The following CEP192 variants were observed in gnomAD, a reference collection of about 807,000 sequenced individuals.
CEP192 encodes the protein centrosomal protein of 192 kDa.
In CEP192, 151 loss-of-function variants were observed where a neutral mutation model predicts 271.8. That is an observed-to-expected ratio of 0.56 (90% CI 0.49 to 0.64). CEP192 has a LOEUF of 0.64. CEP192 is among the 30% of genes least tolerant of loss of function. The probability of loss-of-function intolerance (pLI) is 0.00; values close to 1 mark genes in which losing one functional copy is unlikely to be tolerated. For synonymous variants in CEP192, 995 were observed against 1,076.5 expected (o/e 0.92, Z 1.48); for missense variants, 2,910 against 3,020.5 (o/e 0.96, Z 0.86).
intron 40 of CEP192, among the ~76,000 whole-genome samples, chr18:13,110,172 A>G (rs1163112480): frequency 1.3e-5 from 2 of 152,246 alleles, no homozygotes; most frequent in Non-Finnish European, 2.9e-5. Context: ...AATAAAACAG[A>G]AAAACTAATT....
chr18:13,040,748 T>A, intron 13 of CEP192, 82 bp from the exon 14 acceptor site: 1 of 1,115,956 alleles, frequency 9.0e-7, no homozygotes, highest in Non-Finnish European at 1.3e-6. Context: ...TTAGCTGTTT[T>A]ACCACTATTA....
In CEP192 at chr18:13,040,859, AGAG is replaced by A. The variant is rs780584779; in HGVS notation, c.1840_1842del (p.Glu614del). 6.3e-7 allele frequency: 1 copy of A among 1,598,602 alleles called. No individual in the cohort carries two copies. The highest frequency in any genetic ancestry group is 1.1e-5 in the South Asian group (1 of 88,758). On this transcript the variant is annotated inframe_deletion, in exon 14 of 45. Coordinates refer to ENST00000506447, the MANE Select transcript of CEP192 (RefSeq NM_032142.4). ...CATTTGGCTATTTTATTAGATCACC[AGAG>A]AAGAGAGAACCTATTGCCTTAATAA...
At chr18:13,064,486 C>T (rs893528024) in intron 21 of CEP192, among the ~76,000 whole-genome samples, 3 of 151,914 alleles carry the variant, frequency 2.0e-5, no homozygotes, top group Non-Finnish European at 2.9e-5. Context: ...GTGGCGGGCA[C>T]CTGTAGTCCC....
chr18:13,124,902 C>A lies in CEP192; in HGVS notation c.*132C>A. On this transcript the variant is annotated 3_prime_UTR_variant, in exon 45 of 45. Coordinates refer to ENST00000506447, the MANE Select transcript of CEP192 (RefSeq NM_032142.4). ...TCTATAATTGTAGATTTTGTTTTTACAAGCTAATACTGAAGACTCGACTGA... is the reference window on the plus strand; with the variant it reads ...TCTATAATTGTAGATTTTGTTTTTAAAAGCTAATACTGAAGACTCGACTGA... The A allele has an allele frequency of 1.4e-6, 1 of 731,326 alleles. No individual in the cohort carries two copies. The highest frequency in any genetic ancestry group is 2.2e-6 in the Non-Finnish European group (1 of 461,994). 45.3% of individuals were successfully genotyped at this position (731,326 alleles called of 1,614,324 possible).
intron 18 of CEP192, among the ~76,000 whole-genome samples, chr18:13,053,926 A>C (rs965408268): frequency 1.3e-5 from 2 of 152,138 alleles, no homozygotes; most frequent in African/African-American, 2.4e-5. Context: ...TCCTGGGCTC[A>C]GGTGTTCCTT....
intron 19 of CEP192, among the ~76,000 whole-genome samples, 185 bp from the exon 20 acceptor site, chr18:13,057,400 A>G (rs1277565108): frequency 6.6e-6 from 1 of 152,148 alleles, no homozygotes; most frequent in Non-Finnish European, 1.5e-5. Flanking sequence ...GGATGGAAGC[A>G]GGAAAAAATT....
rs150452898 is a variant in CEP192 at position 13,056,545 on chromosome 18, G to A, written c.3955G>A (p.Gly1319Ser). The part of the protein sequence containing the change: ...AVGICLGSNI[G>S]SGWMGTSSLC... The stretch of plus-strand genomic sequence containing the variant: ...GGGAATTTGTCTAGGATCAAATATC[G>A]GCTCTGGATGGATGGGTACCTCTTC... The change falls in exon 19 of 45, where the codon GGC becomes AGC. Residue 1319 changes from glycine (G) to serine (S), a missense_variant. By Grantham distance (56) the Gly-to-Ser change is moderately conservative (BLOSUM62 0). Coordinates refer to ENST00000506447, the MANE Select transcript of CEP192 (RefSeq NM_032142.4). 1.1e-5 allele frequency: 17 copies of A among 1,614,044 alleles called. No individual in the cohort carries two copies. The highest frequency in any genetic ancestry group is 1.7e-5 in the Admixed American group (1 of 60,004).
intron 6 of CEP192, among the ~76,000 whole-genome samples, chr18:13,015,748 T>A (rs2034609101): frequency 7.0e-6 from 1 of 142,342 alleles, no homozygotes; most frequent in African/African-American, 2.6e-5. Flanking sequence ...AACCATGAAA[T>A]TTTTTTTTTT....
Position 13,117,475 on chromosome 18 carries a change from A to G in CEP192, c.7417-110A>G, listed in dbSNP as rs993453626. The G allele has an allele frequency of 1.5e-5, 11 of 741,426 alleles. No individual in the cohort carries two copies. In the African/African-American group the frequency reaches 1.9e-4, roughly 13 times the overall value. 45.9% of individuals were successfully genotyped at this position (741,426 alleles called of 1,614,324 possible). A position where few individuals can be genotyped will look rare whatever the true frequency, so the allele number is the denominator to read the frequency against. ...TATTGTACTACCTAATTTTGTGGCA[A>G]TACCTAAATTTACAAAATGTATCTG... On this transcript the variant is annotated intron_variant, in intron 43 of 44. Transcript: ENST00000506447.
chr18:13,061,995 T>C (rs67334724), intron 21 of CEP192, among the ~76,000 whole-genome samples: 20,542 of 152,218 alleles, frequency 0.13, 1,533 homozygotes, highest in East Asian at 0.31. Flanking sequence ...GTAGCAGACA[T>C]GATAAATCAC....
intron 9 of CEP192, among the ~76,000 whole-genome samples, 194 bp from the exon 10 acceptor site, chr18:13,029,468 GT>G (rs1393034971): frequency 6.6e-6 from 1 of 152,180 alleles, no homozygotes; most frequent in Non-Finnish European, 1.5e-5. Flanking sequence ...ACAAAGTCTG[GT>G]TTTGGTAAGT....
Position 13,008,485 on chromosome 18 carries a change from A to T in CEP192, c.320A>T (p.Glu107Val). The change falls in exon 4 of 45, where the codon GAA becomes GTA. Residue 107 changes from glutamate (E) to valine (V), a missense_variant. By Grantham distance (121) the Glu-to-Val change is moderately radical (BLOSUM62 -2). Coordinates refer to ENST00000506447, the MANE Select transcript of CEP192 (RefSeq NM_032142.4). ...DSISRKKSYV[E>V]SQRLSNALSK... ...ATCTCTAGGAAAAAGAGCTATGTGG[A>T]AAGTCAACGTTTGTCAAATGCTCTC... 6.4e-7 allele frequency: 1 copy of T among 1,550,392 alleles called. No individual in the cohort carries two copies. The highest frequency in any genetic ancestry group is 8.7e-7 in the Non-Finnish European group (1 of 1,146,482).
chr18:13,069,198 G>A lies in CEP192; in HGVS notation c.5055+17G>A. The A allele has an allele frequency of 6.3e-7, 1 of 1,585,876 alleles. No individual in the cohort carries two copies. Among genetic ancestry groups the A allele is most frequent in the Non-Finnish European group, 8.7e-7 (1 of 1,154,144 alleles). On this transcript the variant is annotated intron_variant, in intron 26 of 44. Transcript: ENST00000506447. Reference sequence around the variant, plus strand: ...GATATCAAGGTATGCACTTCCATGAGAGTGCCATAAGATAGTCTTTCCTCA... The same window carrying A: ...GATATCAAGGTATGCACTTCCATGAAAGTGCCATAAGATAGTCTTTCCTCA...
intron 33 of CEP192, among the ~76,000 whole-genome samples, chr18:13,091,633 T>C (rs577352751): frequency 3.9e-5 from 6 of 152,382 alleles, no homozygotes; most frequent in African/African-American, 1.4e-4. Flanking sequence ...GGAGTCTTGC[T>C]TAAGTTATAA....
At chr18:13,028,071 G>A (rs2035403753) in intron 9 of CEP192, among the ~76,000 whole-genome samples, 1 of 152,082 alleles carries the variant, frequency 6.6e-6, no homozygotes, top group Non-Finnish European at 1.5e-5. Flanking sequence ...CCCTCCTAAG[G>A]CTCTTAGAGG....
intron 13 of CEP192, among the ~76,000 whole-genome samples, chr18:13,039,234 C>A (rs2036072450): frequency 6.6e-6 from 1 of 152,022 alleles, no homozygotes. Flanking sequence ...GTGGGCGGAT[C>A]ACTTGAGGTC....
At chr18:13,039,130 G>A (rs1418822350) in intron 13 of CEP192, among the ~76,000 whole-genome samples, 1 of 152,180 alleles carries the variant, frequency 6.6e-6, no homozygotes, top group African/African-American at 2.4e-5. Context: ...ACATTTGGTG[G>A]AAGACATTGA....
At chr18:13,082,156 T>G (rs1312365955) in intron 30 of CEP192, among the ~76,000 whole-genome samples, 1 of 152,204 alleles carries the variant, frequency 6.6e-6, no homozygotes, top group Non-Finnish European at 1.5e-5. Flanking sequence ...GTCCTGGATA[T>G]CCTTGTTAAC....
In CEP192 at chr18:13,073,022, T is replaced by C. The variant is rs770521686; in HGVS notation, c.5453T>C (p.Phe1818Ser). 5 of 1,607,368 alleles carry C rather than the reference T, an allele frequency of 3.1e-6. No individual in the cohort carries two copies. Among genetic ancestry groups the C allele is most frequent in the Non-Finnish European group, 4.2e-6 (5 of 1,177,932 alleles). ...DQDCFQLQNTFGSEQRLTSNC... is the reference protein window; with the variant it reads ...DQDCFQLQNTSGSEQRLTSNC... ...TTTAAATTGTAGCTTCAGAACACTT[T>C]TGGTTCAGAACAGCGATTGACCAGT... is the stretch of plus-strand genomic sequence containing the variant. Residue 1818 changes from phenylalanine (F) to serine (S), a missense_variant, in exon 30 of 45, where the codon TTT (phenylalanine) becomes TCT (serine). Phe to Ser is a radical substitution (Grantham distance 155). Transcript: ENST00000506447.
Sources: gnomAD v4.1 joint callset for allele counts (sites outside exome capture counted in the v4.1 genomes callset) on GRCh38, gnomAD v4.1.1 for gene constraint, MANE v1.5 for transcripts, NCBI Gene and HGNC (gene_info 2026-07-23, HGNC 2026-07-21) for gene names.